Variants in CRTC1 observed in about 807,000 individuals in gnomAD.
The protein encoded by CRTC1 is CREB-regulated transcription coactivator 1.
In CRTC1, 18 loss-of-function variants were observed where a neutral mutation model predicts 66.1. That is an observed-to-expected ratio of 0.27 (90% CI 0.19 to 0.40). CRTC1 has a LOEUF of 0.40. CRTC1 is among the 10% of genes least tolerant of loss of function. CRTC1 has a pLI of 1.00. For missense variants in CRTC1, 669 were observed against 887.9 expected (o/e 0.75, Z 3.13); for synonymous variants, 416 against 398.8 (o/e 1.04, Z -0.51).
intron 13 of CRTC1, among the ~76,000 whole-genome samples, chr19:18,776,732 C>T (rs967026944): frequency 6.6e-6 from 1 of 152,198 alleles, no homozygotes; most frequent in Non-Finnish European, 1.5e-5. Context: ...GGTTTGAACC[C>T]GGGTCTTTGT....
At chr19:18,751,164 G>T (rs1415592778) in intron 5 of CRTC1, among the ~76,000 whole-genome samples, 1 of 152,144 alleles carries the variant, frequency 6.6e-6, no homozygotes, top group East Asian at 1.9e-4. Flanking sequence ...GGCCTATCTG[G>T]CTGTGCTCAT....
chr19:18,752,147 CAAAA>C (rs35618318), intron 5 of CRTC1, among the ~76,000 whole-genome samples: 1 of 90,608 alleles, frequency 1.1e-5, no homozygotes. Flanking sequence ...AAGACTGTCT[CAAAA>C]AAAAAAAAAA....
intron 6 of CRTC1, among the ~76,000 whole-genome samples, chr19:18,755,086 C>T (rs952963671): frequency 6.6e-5 from 10 of 151,320 alleles, no homozygotes; most frequent in East Asian, 3.9e-4. Flanking sequence ...CGGGTTCAAG[C>T]GAAGTGATTC....
intron 1 of CRTC1, among the ~76,000 whole-genome samples, chr19:18,689,038 C>T (rs930761598): frequency 5.9e-5 from 9 of 152,132 alleles, no homozygotes; most frequent in East Asian, 1.9e-4. Context: ...CTCTGCCTCC[C>T]GGATTCCAGT....
chr19:18,761,390 G>A (rs2054611381), intron 8 of CRTC1, among the ~76,000 whole-genome samples: 1 of 152,120 alleles, frequency 6.6e-6, no homozygotes, highest in South Asian at 2.1e-4. Context: ...GGCTGGAGGG[G>A]CTGTGGGGGA....
chr19:18,775,927 G>A (rs1601026691), intron 13 of CRTC1, 106 bp downstream of exon 13: 1 of 1,245,650 alleles, frequency 8.0e-7, no homozygotes, highest in Non-Finnish European at 1.1e-6. Flanking sequence ...CAGGGCCGGG[G>A]TTGTGACCCA....
At chr19:18,734,501 A>G (rs1365212105) in intron 1 of CRTC1, among the ~76,000 whole-genome samples, 1 of 149,260 alleles carries the variant, frequency 6.7e-6, no homozygotes, top group East Asian at 2.0e-4. Flanking sequence ...CCTGGACAAC[A>G]TGGGGGACCC....
chr19:18,772,580 CTTGTCCCAGGGCAAA>C (rs2054894390), intron 11 of CRTC1, among the ~76,000 whole-genome samples: 1 of 152,212 alleles, frequency 6.6e-6, no homozygotes, highest in African/African-American at 2.4e-5. Context: ...GTCGGGCTCC[CTTGTCCCAGGGCAAA>C]CCGTGAGCGC....
At chr19:18,697,966 G>A (rs1004228910) in intron 1 of CRTC1, among the ~76,000 whole-genome samples, 1 of 152,144 alleles carries the variant, frequency 6.6e-6, no homozygotes, top group Non-Finnish European at 1.5e-5. Context: ...TACTCAGCTG[G>A]TGTTCAACAG....
chr19:18,720,937 A>G (rs570346791), intron 1 of CRTC1, among the ~76,000 whole-genome samples: 4 of 152,288 alleles, frequency 2.6e-5, no homozygotes, highest in Admixed American at 2.6e-4. Context: ...GGTGGCTGTA[A>G]CAAATGACCA....
intron 2 of CRTC1, among the ~76,000 whole-genome samples, chr19:18,744,514 A>G (rs1230333412): frequency 6.6e-6 from 1 of 151,666 alleles, no homozygotes; most frequent in African/African-American, 2.4e-5. Flanking sequence ...ACACACACAT[A>G]CACACACGTG....
intron 3 of CRTC1, among the ~76,000 whole-genome samples, chr19:18,746,544 C>T (rs1334865878): frequency 6.9e-6 from 1 of 145,802 alleles, no homozygotes; most frequent in Non-Finnish European, 1.5e-5. Flanking sequence ...ACACCAGAGT[C>T]TGAGCGGCCT....
At chr19:18,727,580 C>CAAATAAAAAAAAA (rs2053788382) in intron 1 of CRTC1, among the ~76,000 whole-genome samples, 1 of 51,814 alleles carries the variant, frequency 1.9e-5, no homozygotes, top group Non-Finnish European at 3.4e-5. Context: ...GACTCTGTCT[C>CAAATAAAAAAAAA]AAAAAAAAAA....
intron 1 of CRTC1, among the ~76,000 whole-genome samples, chr19:18,733,731 TG>T (rs1342822708): frequency 6.6e-6 from 1 of 152,236 alleles, no homozygotes; most frequent in East Asian, 1.9e-4. Flanking sequence ...ATGGAGGGAC[TG>T]AGGCAAAAAC....
intron 1 of CRTC1, among the ~76,000 whole-genome samples, chr19:18,703,282 CT>C (rs2053189595): frequency 6.6e-6 from 1 of 152,152 alleles, no homozygotes; most frequent in Admixed American, 6.6e-5. Context: ...ATCTGCCCAC[CT>C]TGGCCTCCCA....
intron 1 of CRTC1, among the ~76,000 whole-genome samples, chr19:18,725,389 T>C (rs948120776): frequency 2.6e-5 from 4 of 152,172 alleles, no homozygotes; most frequent in African/African-American, 7.2e-5. Context: ...CTCTCTGTCA[T>C]CGCTTGGTTT....
chr19:18,697,216 G>A (rs941025382), intron 1 of CRTC1, among the ~76,000 whole-genome samples: 1 of 152,130 alleles, frequency 6.6e-6, no homozygotes, highest in Admixed American at 6.5e-5. Flanking sequence ...CTCCTCCTTG[G>A]GGTTCTTGCA....
chr19:18,747,498 T>C (rs1208648769), intron 4 of CRTC1, among the ~76,000 whole-genome samples: 1 of 152,018 alleles, frequency 6.6e-6, no homozygotes, highest in East Asian at 1.9e-4. Flanking sequence ...TTTGCCAGCA[T>C]GGTGGCGCAT....
At chr19:18,775,617 AG>A (rs747472777) in intron 12 of CRTC1, 23 bp from the exon 13 acceptor site, 1 of 1,540,976 alleles carries the variant, frequency 6.5e-7, no homozygotes, top group South Asian at 1.2e-5. Context: ...TGGCCCTCAC[AG>A]CCTGGTGTGC....
Sources: allele counts gnomAD v4.1 joint callset (sites outside exome capture counted in the v4.1 genomes callset), GRCh38; gene constraint gnomAD v4.1.1; transcripts MANE v1.5; gene names NCBI Gene and HGNC (gene_info 2026-07-23, HGNC 2026-07-21).